DISC1: variants seen among roughly 807,000 people sequenced by gnomAD.
DISC1 encodes DISC1 scaffold protein, also known as disrupted in schizophrenia 1 protein.
A neutral mutation model predicts 84.5 loss-of-function variants in DISC1; 57 were observed. That is an observed-to-expected ratio of 0.67 (90% CI 0.55 to 0.84). The LOEUF (loss-of-function observed/expected upper bound fraction) is 0.84, where lower values mean the gene tolerates loss of function less well. Ranked by LOEUF, DISC1 falls within the 40% of genes least tolerant of loss-of-function variation. The probability of loss-of-function intolerance (pLI) is 0.00; values close to 1 mark genes in which losing one functional copy is unlikely to be tolerated. For missense variants in DISC1, 1,000 were observed against 1,057.8 expected (o/e 0.95, Z 0.76); for synonymous variants, 411 against 415.2 (o/e 0.99, Z 0.12).
At chr1:231,840,784 T>C (rs1439184790) in intron 9 of DISC1, among the ~76,000 whole-genome samples, 1 of 152,082 alleles carries the variant, frequency 6.6e-6, no homozygotes, top group African/African-American at 2.4e-5. Context: ...CTCAGCTCAC[T>C]GCAAGCTCCG....
At chr1:231,748,604 A>T (rs1049236792) in intron 3 of DISC1, among the ~76,000 whole-genome samples, 1 of 152,098 alleles carries the variant, frequency 6.6e-6, no homozygotes, top group African/African-American at 2.4e-5. Context: ...TGATCATGGT[A>T]TATTATCTTT....
chr1:231,806,187 G>T (rs2079693568), intron 8 of DISC1, among the ~76,000 whole-genome samples: 1 of 152,200 alleles, frequency 6.6e-6, no homozygotes, highest in Admixed American at 6.5e-5. Context: ...TACATGCTTA[G>T]CTAGTGATTG....
At chr1:231,822,771 G>T (rs1247961276) in intron 9 of DISC1, among the ~76,000 whole-genome samples, 2 of 152,186 alleles carry the variant, frequency 1.3e-5, no homozygotes, top group African/African-American at 2.4e-5. Context: ...TCTGCTTCTG[G>T]TGAGGGCCTC....
At chr1:231,894,466 A>T (rs925370652) in intron 9 of DISC1, among the ~76,000 whole-genome samples, 6 of 152,230 alleles carry the variant, frequency 3.9e-5, no homozygotes, top group Admixed American at 3.9e-4. Context: ...CATACAAAAA[A>T]TTTTAAAACT....
At chr1:232,019,202 G>A (rs529602886) in intron 11 of DISC1, among the ~76,000 whole-genome samples, 25 of 152,260 alleles carry the variant, frequency 1.6e-4, no homozygotes, top group African/African-American at 4.8e-4. Context: ...GGATTGAAGC[G>A]TTCCTGGAAG....
intron 9 of DISC1, among the ~76,000 whole-genome samples, chr1:231,945,568 G>A (rs1162918575): frequency 6.6e-6 from 1 of 151,990 alleles, no homozygotes; most frequent in Non-Finnish European, 1.5e-5. Flanking sequence ...GAAGCAAGAG[G>A]AAACAAATTC....
intron 10 of DISC1, among the ~76,000 whole-genome samples, chr1:231,989,872 A>G (rs1268477914): frequency 1.3e-5 from 2 of 152,194 alleles, no homozygotes; most frequent in Admixed American, 6.5e-5. Flanking sequence ...CGAGTTCAGT[A>G]TCTTACCTAA....
At chr1:231,704,177 TGTG>T (rs1224393256) in intron 3 of DISC1, among the ~76,000 whole-genome samples, 1 of 152,044 alleles carries the variant, frequency 6.6e-6, no homozygotes, top group Non-Finnish European at 1.5e-5. Flanking sequence ...CCTCAGTAAA[TGTG>T]GTGTGAGGGA....
chr1:231,901,193 T>C (rs1203370559), intron 9 of DISC1, among the ~76,000 whole-genome samples: 1 of 152,210 alleles, frequency 6.6e-6, no homozygotes, highest in Non-Finnish European at 1.5e-5. Context: ...CTCTTGCAAA[T>C]GGCTGGCCTG....
intron 6 of DISC1, among the ~76,000 whole-genome samples, chr1:231,782,960 T>C (rs889615604): frequency 6.6e-6 from 1 of 151,970 alleles, no homozygotes; most frequent in African/African-American, 2.4e-5. Context: ...AATAAATAAA[T>C]AAATGCAAGC....
chr1:232,013,756 T>C (rs1249368233), intron 11 of DISC1, among the ~76,000 whole-genome samples: 2 of 152,204 alleles, frequency 1.3e-5, no homozygotes, highest in Non-Finnish European at 2.9e-5. Context: ...TAGTATTTAT[T>C]CCTCTTGGGT....
intron 3 of DISC1, among the ~76,000 whole-genome samples, chr1:231,744,953 A>G: frequency 6.6e-6 from 1 of 152,194 alleles, no homozygotes; most frequent in Non-Finnish European, 1.5e-5. Context: ...GATCCTCGTT[A>G]ATAATGAGCC....
intron 3 of DISC1, among the ~76,000 whole-genome samples, chr1:231,737,756 A>G (rs1289263453): frequency 6.6e-6 from 1 of 152,222 alleles, no homozygotes; most frequent in Non-Finnish European, 1.5e-5. Context: ...GAGCTCACAT[A>G]TCTCCCTCGT....
intron 10 of DISC1, among the ~76,000 whole-genome samples, chr1:231,975,139 A>T (rs1484447746): frequency 6.6e-6 from 1 of 152,068 alleles, no homozygotes; most frequent in African/African-American, 2.4e-5. Flanking sequence ...AACAACAACA[A>T]AAAACAAAGA....
At chr1:231,791,463 T>G (rs2078346652) in intron 6 of DISC1, among the ~76,000 whole-genome samples, 1 of 152,208 alleles carries the variant, frequency 6.6e-6, no homozygotes, top group Non-Finnish European at 1.5e-5. Flanking sequence ...TTCTACTTCA[T>G]AGAGTTATAA....
At position 231,665,315 on chromosome 1, in the gene DISC1, T is replaced by TC. The variant is rs560242859; in HGVS notation, c.68-28511_68-28510insC. Among the ~76,000 whole-genome samples the TC allele has an allele frequency of 3.3e-5, 5 of 152,264 alleles. No individual in the cohort carries two copies. In the South Asian group the frequency reaches 1.0e-3, roughly 32 times the overall value. ...TCTCTTTCAGTTCTCACATTTTTTTTTGTGTTTGGAGCAATACTATAAACT... is the reference window on the plus strand; with the variant it reads ...TCTCTTTCAGTTCTCACATTTTTTTTCTGTGTTTGGAGCAATACTATAAACT... On this transcript the variant is annotated intron_variant, in intron 1 of 12. Transcript: ENST00000439617.
intron 10 of DISC1, among the ~76,000 whole-genome samples, chr1:231,968,003 G>A (rs999517864): frequency 6.6e-6 from 1 of 152,156 alleles, no homozygotes; most frequent in African/African-American, 2.4e-5. Context: ...ACTCAATTAA[G>A]TATTAACTGA....
chr1:231,875,099 C>T (rs2085778298), intron 9 of DISC1, among the ~76,000 whole-genome samples: 1 of 152,092 alleles, frequency 6.6e-6, no homozygotes, highest in Non-Finnish European at 1.5e-5. Context: ...CTTGTCCAAC[C>T]CATGGATATC....
chr1:231,636,125 A>G (rs200851948), intron 1 of DISC1, among the ~76,000 whole-genome samples: 24 of 152,196 alleles, frequency 1.6e-4, no homozygotes, highest in Non-Finnish European at 3.1e-4. Flanking sequence ...TTTGAAAACA[A>G]TTTACTCAAT....
Sources: allele counts gnomAD v4.1 joint callset (sites outside exome capture counted in the v4.1 genomes callset), GRCh38; gene constraint gnomAD v4.1.1; transcripts MANE v1.5; gene names NCBI Gene and HGNC (gene_info 2026-07-23, HGNC 2026-07-21).